Variants in VAMP8 observed in about 807,000 individuals in gnomAD.
VAMP8 encodes vesicle associated membrane protein 8, also known as vesicle-associated membrane protein 8.
In VAMP8, 9 loss-of-function variants were observed where a neutral mutation model predicts 11.4. The observed-to-expected ratio is 0.79, with a 90% CI of 0.48 to 1.38. The LOEUF (loss-of-function observed/expected upper bound fraction) is 1.38, where lower values mean the gene tolerates loss of function less well. Among genes scored for constraint, VAMP8 ranks in the 40% most tolerant of loss-of-function variants. The probability of loss-of-function intolerance (pLI) is 0.00; values close to 1 mark genes in which losing one functional copy is unlikely to be tolerated. For missense variants in VAMP8, 108 were observed against 127.8 expected, an observed-to-expected ratio of 0.85 and a Z score of 0.75; for synonymous variants, 42 against 44.7, an observed-to-expected ratio of 0.94 and a Z score of 0.24.
chr2:85,580,418 A>G (rs1672356654), intron 2 of VAMP8, among the ~76,000 whole-genome samples: 1 of 151,982 alleles, frequency 6.6e-6, no homozygotes, highest in Non-Finnish European at 1.5e-5. Context: ...AGATGTGCCC[A>G]CCTGGAGCCT....
intron 2 of VAMP8, 92 bp from the exon 3 acceptor site, chr2:85,581,484 A>AAT (rs1001229985): frequency 6.6e-7 from 1 of 1,505,454 alleles, no homozygotes; most frequent in African/African-American, 1.4e-5. Context: ...AAAAAAAAAA[A>AAT]AAGTATGGCC....
At position 85,579,158 on chromosome 2, in the gene VAMP8, G is replaced by T; in HGVS notation, c.153G>T (p.Leu51=). 1 of 1,594,928 alleles carries T rather than the reference G, an allele frequency of 6.3e-7. No individual in the cohort carries two copies. The change falls in exon 2 of 3, where the codon CTG becomes CTT. Residue 51 remains leucine (L), a synonymous_variant. Coordinates refer to ENST00000263864, the MANE Select transcript of VAMP8 (RefSeq NM_003761.5). ...ATCTCCGCAACAAGACAGAGGATCTGGAAGCCACAGTGAGACAGGGAGCCC... is the reference window on the plus strand; with the variant it reads ...ATCTCCGCAACAAGACAGAGGATCTTGAAGCCACAGTGAGACAGGGAGCCC... ...LEHLRNKTED[L]EATSEHFKTT...
At chr2:85,581,429 A>C (rs1672376524) in intron 2 of VAMP8, 147 bp from the exon 3 acceptor site, 5 of 998,758 alleles carry the variant, frequency 5.0e-6, no homozygotes, top group Non-Finnish European at 7.2e-6. Flanking sequence ...GCAGTGAGCC[A>C]AGATCGAGCC....
chr2:85,578,867 A>C, intron 1 of VAMP8, 142 bp from the exon 2 acceptor site: 1 of 887,806 alleles, frequency 1.1e-6, no homozygotes, highest in Non-Finnish European at 1.7e-6. Context: ...GAAGTAATAC[A>C]TGAAAACATT....
At chr2:85,578,467 C>T (rs1241329375) in intron 1 of VAMP8, among the ~76,000 whole-genome samples, 2 of 152,190 alleles carry the variant, frequency 1.3e-5, no homozygotes, top group Non-Finnish European at 2.9e-5. Flanking sequence ...TACTTGGTTG[C>T]CTGTTGTTCT....
At chr2:85,579,996 C>T (rs1573346008) in intron 2 of VAMP8, 1 of 1,400,132 alleles carries the variant, frequency 7.1e-7, no homozygotes. Flanking sequence ...CACTCTGTTG[C>T]CCAGGTTAGA....
chr2:85,580,982 T>G (rs1672367758), intron 2 of VAMP8, among the ~76,000 whole-genome samples: 1 of 152,002 alleles, frequency 6.6e-6, no homozygotes, highest in Non-Finnish European at 1.5e-5. Flanking sequence ...GCATCTTTTA[T>G]TTAGCAGTTT....
chr2:85,580,016 A>C, intron 2 of VAMP8: 1 of 1,322,532 alleles, frequency 7.6e-7, no homozygotes, highest in South Asian at 1.6e-5. Context: ...AGTGAGTGCA[A>C]TCTTGGCTCA....
intron 2 of VAMP8, among the ~76,000 whole-genome samples, chr2:85,580,140 C>T (rs1352250720): frequency 6.6e-6 from 1 of 151,986 alleles, no homozygotes; most frequent in Non-Finnish European, 1.5e-5. Context: ...TTAGTAGAGA[C>T]GAAGTTTTGC....
intron 1 of VAMP8, 45 bp from the exon 2 acceptor site, chr2:85,578,964 A>G (rs201988068): frequency 1.3e-6 from 2 of 1,574,424 alleles, no homozygotes; most frequent in African/African-American, 2.7e-5. Flanking sequence ...CCAAGTCTCC[A>G]GTTCCCCCAC....
intron 2 of VAMP8, chr2:85,579,960 T>A (rs866794943): frequency 0.11 from 98,410 of 870,176 alleles, 184 homozygotes; most frequent in Middle Eastern, 0.14. Flanking sequence ...CCCCGGGAAT[T>A]TTTTTTTTTT....
intron 2 of VAMP8, chr2:85,579,910 GT>G: frequency 6.5e-7 from 1 of 1,533,346 alleles, no homozygotes; most frequent in Non-Finnish European, 8.8e-7. Flanking sequence ...CTCATTGCCT[GT>G]TTCTGTAGCT....
chr2:85,581,409 G>A (rs1558822534), intron 2 of VAMP8, among the ~76,000 whole-genome samples, 167 bp from the exon 3 acceptor site: 2 of 151,952 alleles, frequency 1.3e-5, no homozygotes, highest in Admixed American at 1.3e-4. Flanking sequence ...GAACCCAGGA[G>A]GTGGAGGCAG....
chr2:85,581,669 A>G lies in VAMP8; in HGVS notation c.256A>G (p.Ile86Val). The G allele has an allele frequency of 6.2e-7, 1 of 1,614,092 alleles. No homozygotes were observed. The highest frequency in any genetic ancestry group is 2.2e-5 in the East Asian group (1 of 44,884). The change falls in exon 3 of 3, where the codon ATC (isoleucine) becomes GTC (valine). Residue 86 changes from isoleucine to valine, a missense_variant. Physicochemically the swap from Ile to Val is conservative, Grantham distance 29. Transcript: ENST00000263864. ...MIVLICVIVFIIILFIVLFAT... is the reference protein window; with the variant it reads ...MIVLICVIVFVIILFIVLFAT... ...TGTCCTTATCTGCGTGATTGTTTTT[A>G]TCATCATCCTCTTCATTGTGCTCTT...
intron 2 of VAMP8, chr2:85,579,689 T>A (rs1672337149): frequency 6.5e-7 from 1 of 1,536,878 alleles, no homozygotes; most frequent in African/African-American, 1.4e-5. Flanking sequence ...AGATGAAGGC[T>A]AAAATAATAT....
In VAMP8 at chr2:85,581,906, AAGAG is replaced by A; in HGVS notation, c.*194_*197del. ...CTTGGTCCCCCGGAAGGAGAGAAAAAAGAGAGATGGACTGTGGCTGCATTTCTTG... is the reference window on the plus strand; with the variant it reads ...CTTGGTCCCCCGGAAGGAGAGAAAAAAGATGGACTGTGGCTGCATTTCTTG... On this transcript the variant is annotated 3_prime_UTR_variant, in exon 3 of 3. Coordinates refer to ENST00000263864, the MANE Select transcript of VAMP8 (RefSeq NM_003761.5). 2.7e-6 allele frequency: 2 copies of A among 727,808 alleles called. No homozygotes were observed. Among genetic ancestry groups the A allele is most frequent in the South Asian group, 3.7e-5 (2 of 54,410 alleles). 45.1% of individuals were successfully genotyped at this position (727,808 alleles called of 1,614,324 possible). A position where few individuals can be genotyped will look rare whatever the true frequency, so the allele number is the denominator to read the frequency against.
In VAMP8 at chr2:85,581,953, G is replaced by A; in HGVS notation, c.*237G>A. 1.8e-6 allele frequency: 1 copy of A among 552,832 alleles called. No individual in the cohort carries two copies. Among genetic ancestry groups the A allele is most frequent in the South Asian group, 2.3e-5 (1 of 43,584 alleles). 34.2% of individuals were successfully genotyped at this position (552,832 alleles called of 1,614,324 possible). ...ATTTCTTGGGTCCTTAGAGTGGGCT[G>A]GAGAGACCTAGAGGGCCCAGCATGT... is the stretch of plus-strand genomic sequence containing the variant. On this transcript the variant is annotated 3_prime_UTR_variant, in exon 3 of 3. Transcript: ENST00000263864.
chr2:85,581,851 T>A lies in VAMP8; in HGVS notation c.*135T>A. 2 of 1,260,604 alleles carry A rather than the reference T, an allele frequency of 1.6e-6. No individual in the cohort carries two copies. The highest frequency in any genetic ancestry group is 1.4e-5 in the South Asian group (1 of 70,576). The allele number at this position is 1,260,604 out of a possible 1,614,324, so 78.1% of individuals were successfully genotyped here. ...CCTCCTACCCCTCTTCCCGAGGCCC[T>A]GCTGCCATGTTGTATGCCCCAGAAG... On this transcript the variant is annotated 3_prime_UTR_variant, in exon 3 of 3. Coordinates refer to ENST00000263864, the MANE Select transcript of VAMP8 (RefSeq NM_003761.5).
chr2:85,581,275 T>A (rs183632403), intron 2 of VAMP8, among the ~76,000 whole-genome samples: 3 of 151,440 alleles, frequency 2.0e-5, no homozygotes, highest in Admixed American at 2.0e-4. Flanking sequence ...AGGTCAGGAG[T>A]TCAAGACCAG....
Sources: gnomAD v4.1 joint callset for allele counts (sites outside exome capture counted in the v4.1 genomes callset) on GRCh38, gnomAD v4.1.1 for gene constraint, MANE v1.5 for transcripts, NCBI Gene and HGNC (gene_info 2026-07-23, HGNC 2026-07-21) for gene names.